Variants in VTA1 observed in about 807,000 individuals in gnomAD.
VTA1 encodes vacuolar protein sorting-associated protein VTA1 homolog.
In VTA1, 24 loss-of-function variants were observed where a neutral mutation model predicts 36.9. That is an observed-to-expected ratio of 0.65 (90% CI 0.47 to 0.91). The LOEUF (loss-of-function observed/expected upper bound fraction) is 0.91. Among genes scored for constraint, VTA1 ranks in the 40% least tolerant of loss-of-function variants. The pLI, the probability that VTA1 is intolerant of heterozygous loss-of-function variation, is 0.00. For synonymous variants in VTA1, 142 were observed against 130.2 expected (o/e 1.09, Z -0.62); for missense variants, 393 against 377.2 (o/e 1.04, Z -0.35).
chr6:142,207,992 C>CTT, intron 7 of VTA1, among the ~76,000 whole-genome samples: 2 of 149,878 alleles, frequency 1.3e-5, no homozygotes, highest in South Asian at 4.2e-4. Context: ...GAGGCTGAGG[C>CTT]AGGAGAATCG....
chr6:142,154,151 TCTC>T (rs149748782), intron 1 of VTA1, among the ~76,000 whole-genome samples: 2,513 of 152,112 alleles, frequency 0.017, 70 homozygotes, highest in African/African-American at 0.057. Context: ...TAACCTGCCT[TCTC>T]CTTTTCGCTA....
chr6:142,179,140 G>A (rs1399557191), intron 4 of VTA1, among the ~76,000 whole-genome samples: 1 of 151,936 alleles, frequency 6.6e-6, no homozygotes, highest in Non-Finnish European at 1.5e-5. Context: ...ATCATAATTG[G>A]AAATTTTAAC....
rs1776086084 is a variant in VTA1, at chr6:142,220,404, A to G, written c.*1761A>G. The G allele has an allele frequency of 6.6e-6, 1 of 152,136 alleles. No homozygotes were observed. The highest frequency in any genetic ancestry group is 2.4e-5 in the African/African-American group (1 of 41,426). 9.4% of individuals were successfully genotyped at this position (152,136 alleles called of 1,614,324 possible). A position where few individuals can be genotyped will look rare whatever the true frequency, so the allele number is the denominator to read the frequency against. On this transcript the variant is annotated 3_prime_UTR_variant, in exon 8 of 8. Transcript: ENST00000367630. ...CCCAATTGGGAGAGCACATAGAGGG[A>G]AGGAGACAATATAGAAACTACGGAG...
At chr6:142,189,401 TTGA>T (rs1247517165) in intron 4 of VTA1, 22 bp from the exon 5 acceptor site, 1 of 1,547,482 alleles carries the variant, frequency 6.5e-7, no homozygotes, top group Non-Finnish European at 8.9e-7. Flanking sequence ...TAGTCCAATG[TTGA>T]TATAAAAATG....
intron 7 of VTA1, among the ~76,000 whole-genome samples, chr6:142,205,548 T>C (rs949802080): frequency 2.0e-5 from 3 of 152,114 alleles, no homozygotes; most frequent in Non-Finnish European, 2.9e-5. Flanking sequence ...TCCATCAAGA[T>C]AAGGGTGGTA....
chr6:142,181,573 A>G (rs1189781244), intron 4 of VTA1, among the ~76,000 whole-genome samples: 5 of 151,384 alleles, frequency 3.3e-5, no homozygotes, highest in African/African-American at 4.8e-5. Context: ...ATGTTGTGCT[A>G]TTTTTAAAAC....
At chr6:142,149,549 C>T (rs1018553296) in intron 1 of VTA1, among the ~76,000 whole-genome samples, 4 of 152,110 alleles carry the variant, frequency 2.6e-5, no homozygotes, top group African/African-American at 9.7e-5. Context: ...TTTTGAAATA[C>T]TTGTTTATTG....
rs1394822532 is a variant in VTA1, at chr6:142,223,694, A to G, written c.*5051A>G. The G allele has an allele frequency of 6.6e-6, 1 of 152,162 alleles. No individual in the cohort carries two copies. Among genetic ancestry groups the G allele is most frequent in the Admixed American group, 6.5e-5 (1 of 15,276 alleles). 9.4% of individuals were successfully genotyped at this position (152,162 alleles called of 1,614,324 possible). A position where few individuals can be genotyped will look rare whatever the true frequency, so the allele number is the denominator to read the frequency against. The stretch of plus-strand genomic sequence containing the variant: ...TTAAGTCATTCATATGTTCAAAAAT[A>G]TTAATATGTATTGAGCATCTACCAT... On this transcript the variant is annotated 3_prime_UTR_variant, in exon 8 of 8. Transcript: ENST00000367630.
intron 2 of VTA1, among the ~76,000 whole-genome samples, chr6:142,168,324 T>G (rs1477115977): frequency 6.6e-6 from 1 of 152,172 alleles, no homozygotes; most frequent in Non-Finnish European, 1.5e-5. Context: ...TTTCCTTAAA[T>G]TTCAGCATTA....
rs776504793 is a variant in VTA1, at chr6:142,198,565, C to T, written c.647C>T (p.Pro216Leu). 2.3e-5 allele frequency: 37 copies of T among 1,613,716 alleles called. No individual in the cohort carries two copies. Among genetic ancestry groups the T allele is most frequent in the Non-Finnish European group, 3.0e-5 (35 of 1,179,822 alleles). The change falls in exon 6 of 8, where the codon CCG becomes CTG. Residue 216 changes from proline (P) to leucine (L), a missense_variant. Physicochemically the swap from Pro to Leu is moderately conservative, Grantham distance 98 (BLOSUM62 -3). Transcript: ENST00000367630. ...SGNYTGIQIP[P>L]GAHAPANTPA... ...AACTATACTGGAATACAGATTCCTC[C>T]GGGTGCACACGCTCCAGCTAATACA... is the stretch of plus-strand genomic sequence containing the variant.
Position 142,166,310 on chromosome 6 carries a change from T to A in VTA1, c.195T>A (p.Asp65Glu), listed in dbSNP as rs780680109. The A allele has an allele frequency of 6.2e-7, 1 of 1,608,258 alleles. No individual in the cohort carries two copies. The highest frequency in any genetic ancestry group is 2.2e-5 in the East Asian group (1 of 44,742). ...GCAAATTTTTATCAAAGTTAATGGATCAGTTAGAAGCTGTAAGTTAACCAC... is the reference window on the plus strand; with the variant it reads ...GCAAATTTTTATCAAAGTTAATGGAACAGTTAGAAGCTGTAAGTTAACCAC... ...ECRKFLSKLM[D>E]QLEALKKQLG... is the part of the protein sequence containing the mutation. Residue 65 changes from aspartate to glutamate, a missense_variant, in exon 2 of 8, where the codon GAT (aspartate) becomes GAA (glutamate). Coordinates refer to ENST00000367630, the MANE Select transcript of VTA1 (RefSeq NM_016485.5).
chr6:142,178,676 A>G (rs1775170378), intron 4 of VTA1, among the ~76,000 whole-genome samples: 2 of 152,110 alleles, frequency 1.3e-5, no homozygotes, highest in Non-Finnish European at 2.9e-5. Flanking sequence ...GAGAAGGGGA[A>G]GAGAAGGAAA....
At chr6:142,197,826 G>A (rs996251430) in intron 5 of VTA1, among the ~76,000 whole-genome samples, 8 of 151,542 alleles carry the variant, frequency 5.3e-5, no homozygotes, top group Non-Finnish European at 8.8e-5. Flanking sequence ...TGTAATTCCA[G>A]CACTTTGGGA....
At chr6:142,160,114 A>G (rs1237635242) in intron 1 of VTA1, among the ~76,000 whole-genome samples, 4 of 152,128 alleles carry the variant, frequency 2.6e-5, no homozygotes, top group East Asian at 1.9e-4. Context: ...AAGGGATTCA[A>G]TCTGGCCAAC....
intron 4 of VTA1, among the ~76,000 whole-genome samples, chr6:142,172,322 T>G (rs1233645011): frequency 6.6e-6 from 1 of 152,230 alleles, no homozygotes; most frequent in African/African-American, 2.4e-5. Flanking sequence ...ACATTTTTTT[T>G]GTAATGTGAC....
At chr6:142,197,799 G>C (rs1465586237) in intron 5 of VTA1, among the ~76,000 whole-genome samples, 3 of 152,024 alleles carry the variant, frequency 2.0e-5, no homozygotes, top group African/African-American at 7.3e-5. Flanking sequence ...CATATTCTGG[G>C]TGTGGTGGCT....
rs1332647647 is a variant in VTA1, at chr6:142,221,389, T to G, written c.*2746T>G. ...AGGAAAAGAGTAACTAGTATGCAGA[T>G]ACATACATGGAGGAAGAGCATTCCC... On this transcript the variant is annotated 3_prime_UTR_variant, in exon 8 of 8. Transcript: ENST00000367630. The G allele has an allele frequency of 2.6e-5, 4 of 152,230 alleles. No homozygotes were observed. The highest frequency in any genetic ancestry group is 5.9e-5 in the Non-Finnish European group (4 of 68,068). 9.4% of individuals were successfully genotyped at this position (152,230 alleles called of 1,614,324 possible).
rs200348683 is a variant in VTA1 at position 142,188,225 on chromosome 6, C to CTTTT, written c.412-1176_412-1173dup. Among the ~76,000 whole-genome samples the CTTTT allele has an allele frequency of 1.2e-3, 96 of 78,962 alleles. 3 individuals are homozygous for CTTTT. The highest frequency in any genetic ancestry group is 3.2e-3 in the African/African-American group (67 of 20,640). 51.8% of individuals were successfully genotyped at this position (78,962 alleles called of 152,430 possible). On this transcript the variant is annotated intron_variant, in intron 4 of 7. Coordinates refer to ENST00000367630, the MANE Select transcript of VTA1 (RefSeq NM_016485.5). ...TGCCTAGCCCTCTATTTCTTTATTT[C>CTTTT]TTTTTTTTTTTTTTTTTTTTTTTTT...
intron 1 of VTA1, among the ~76,000 whole-genome samples, chr6:142,154,391 G>A (rs1778621143): frequency 1.3e-5 from 2 of 152,022 alleles, no homozygotes; most frequent in South Asian, 4.1e-4. Context: ...AGACATTTAA[G>A]TGTTTTAAAT....
Sources: allele counts gnomAD v4.1 joint callset (sites outside exome capture counted in the v4.1 genomes callset), GRCh38; gene constraint gnomAD v4.1.1; transcripts MANE v1.5; gene names NCBI Gene and HGNC (gene_info 2026-07-23, HGNC 2026-07-21).